IGF2R: variants seen among roughly 807,000 people sequenced by gnomAD.
The protein encoded by IGF2R is insulin like growth factor 2 receptor, also known as cation-independent mannose-6-phosphate receptor.
Under a neutral mutation model 270.6 loss-of-function variants are expected in IGF2R, and 91 were observed. That is an observed-to-expected ratio of 0.34 (90% CI 0.28 to 0.40). The LOEUF (loss-of-function observed/expected upper bound fraction) is 0.40, where lower values mean the gene tolerates loss of function less well. IGF2R is among the 10% of genes least tolerant of loss of function. IGF2R has a pLI of 1.00. For missense variants in IGF2R, 2,805 were observed against 3,188.3 expected (o/e 0.88, Z 2.90); for synonymous variants, 1,316 against 1,258.9 (o/e 1.05, Z -0.96).
chr6:160,054,509 G>A (rs1280335307), intron 19 of IGF2R, among the ~76,000 whole-genome samples: 2 of 152,164 alleles, frequency 1.3e-5, no homozygotes, highest in African/African-American at 4.8e-5. Flanking sequence ...ACGTTGTCAG[G>A]TGGTAGGTTG....
At chr6:159,975,456 C>T (rs1245092598) in intron 1 of IGF2R, among the ~76,000 whole-genome samples, 1 of 151,842 alleles carries the variant, frequency 6.6e-6, no homozygotes, top group Non-Finnish European at 1.5e-5. Flanking sequence ...TTTCTTCTCC[C>T]GGGTATAGGG....
At chr6:160,018,887 A>G (rs1159418296) in intron 4 of IGF2R, among the ~76,000 whole-genome samples, 1 of 152,176 alleles carries the variant, frequency 6.6e-6, no homozygotes, top group Non-Finnish European at 1.5e-5. Flanking sequence ...TAACAACCTA[A>G]TATCACACTT....
At chr6:160,103,321 A>G (rs895118889) in intron 46 of IGF2R, among the ~76,000 whole-genome samples, 1 of 147,338 alleles carries the variant, frequency 6.8e-6, no homozygotes, top group African/African-American at 2.5e-5. Context: ...ACTCTGTCCA[A>G]AAAAAAAAAA....
In IGF2R at chr6:160,107,160, G is replaced by C. The variant is rs1779639800; in HGVS notation, c.*2076G>C. On this transcript the variant is annotated 3_prime_UTR_variant, in exon 48 of 48. Coordinates refer to ENST00000356956, the MANE Select transcript of IGF2R (RefSeq NM_000876.4). Reference sequence around the variant, plus strand: ...TACCTCTCCTGAGGAAGACATGTCAGGTCTTCTAAAAGTTTACATTATGAC... The same window carrying C: ...TACCTCTCCTGAGGAAGACATGTCACGTCTTCTAAAAGTTTACATTATGAC... 1 of 152,194 alleles carries C rather than the reference G, an allele frequency of 6.6e-6. No homozygotes were observed. Among genetic ancestry groups the C allele is most frequent in the Non-Finnish European group, 1.5e-5 (1 of 68,048 alleles). The allele number at this position is 152,194 out of a possible 1,614,324, so 9.4% of individuals were successfully genotyped here.
At position 160,060,586 on chromosome 6, in the gene IGF2R, A is replaced by G. The variant is rs750976087; in HGVS notation, c.3131A>G (p.Asp1044Gly). The G allele has an allele frequency of 6.2e-7, 1 of 1,614,250 alleles. No homozygotes were observed. Among genetic ancestry groups the G allele is most frequent in the East Asian group, 2.2e-5 (1 of 44,892 alleles). The change falls in exon 23 of 48, where the codon GAT becomes GGT. Residue 1044 changes from aspartate (D) to glycine (G), a missense_variant. Physicochemically the swap from Asp to Gly is moderately conservative, Grantham distance 94. Transcript: ENST00000356956. ...DAFIVRFVCN[D>G]DVYSGPLKFL... Reference sequence around the variant, plus strand: ...TTTATCGTCCGCTTTGTTTGCAATGATGATGTTTACTCAGGGCCCCTCAAA... The same window carrying G: ...TTTATCGTCCGCTTTGTTTGCAATGGTGATGTTTACTCAGGGCCCCTCAAA...
Position 160,083,959 on chromosome 6 carries a change from A to C in IGF2R, c.5843A>C (p.Tyr1948Ser). ...TCCCTACACTCCCCAGCAAACAGCT[A>C]CCGGACATCCAGCATCATATTTAAG... ...EWGFCRHSNS[Y>S]RTSSIIFKCD... The change falls in exon 40 of 48, where the codon TAC becomes TCC. Residue 1948 changes from tyrosine (Y) to serine (S), a missense_variant. Tyr to Ser is a moderately radical substitution (Grantham distance 144). Coordinates refer to ENST00000356956, the MANE Select transcript of IGF2R (RefSeq NM_000876.4). 1 of 1,612,974 alleles carries C rather than the reference A, an allele frequency of 6.2e-7. No homozygotes were observed. Among genetic ancestry groups the C allele is most frequent in the East Asian group, 2.2e-5 (1 of 44,884 alleles).
At position 160,069,862 on chromosome 6, in the gene IGF2R, C is replaced by T. The variant is rs781046583; in HGVS notation, c.4253-6C>T. 5 of 1,613,266 alleles carry T rather than the reference C, an allele frequency of 3.1e-6. No homozygotes were observed. In the Admixed American group the frequency reaches 6.7e-5, roughly 22 times the overall value. ...AGGCAACTCTTTCTTGTGTCTGGTGCTGCAGAGCCGTGCCCTCCAGAAGCA... is the reference window on the plus strand; with the variant it reads ...AGGCAACTCTTTCTTGTGTCTGGTGTTGCAGAGCCGTGCCCTCCAGAAGCA... On this transcript the variant is annotated splice_region_variant and splice_polypyrimidine_tract_variant and intron_variant, in intron 30 of 47. Transcript: ENST00000356956.
chr6:159,976,550 G>C (rs958667804), intron 1 of IGF2R, among the ~76,000 whole-genome samples: 1 of 151,750 alleles, frequency 6.6e-6, no homozygotes, highest in Admixed American at 6.5e-5. Flanking sequence ...TGAATGCTTA[G>C]CTCTTTTATT....
At chr6:159,997,041 C>T (rs557154309) in intron 2 of IGF2R, among the ~76,000 whole-genome samples, 38 of 152,310 alleles carry the variant, frequency 2.5e-4, no homozygotes, top group Middle Eastern at 3.4e-3. Flanking sequence ...TACCCACATC[C>T]GTGCCCAAGC....
chr6:160,080,392 A>G, intron 39 of IGF2R, 117 bp downstream of exon 39: 1 of 1,037,534 alleles, frequency 9.6e-7, no homozygotes, highest in Non-Finnish European at 1.4e-6. Flanking sequence ...TCTTGCATAA[A>G]ATATTTTCTT....
chr6:160,060,312 G>C (rs1428184379), intron 22 of IGF2R, among the ~76,000 whole-genome samples: 2 of 152,270 alleles, frequency 1.3e-5, no homozygotes, highest in East Asian at 3.8e-4. Flanking sequence ...TTGTAACACA[G>C]GCCACTGTTG....
Position 160,089,961 on chromosome 6 carries a change from C to T in IGF2R, c.6513C>T (p.Tyr2171=). 2 of 1,607,190 alleles carry T rather than the reference C, an allele frequency of 1.2e-6. No homozygotes were observed. Among genetic ancestry groups the T allele is most frequent in the Non-Finnish European group, 1.7e-6 (2 of 1,176,996 alleles). ...ACATGAGGACCAATGGGGACAACTA[C>T]CTGTATGAGATCCAACTTTCCTCCA... is the stretch of plus-strand genomic sequence containing the variant. ...SGDMRTNGDN[Y]LYEIQLSSIT... is the part of the protein sequence containing the mutation. The change falls in exon 44 of 48, where the codon TAC becomes TAT. Residue 2171 remains tyrosine (Y), a synonymous_variant. Transcript: ENST00000356956.
rs759855498 is a variant in IGF2R at position 160,080,235 on chromosome 6, G to A, written c.5793G>A (p.Ala1931=). The change falls in exon 39 of 48, where the codon GCG becomes GCA. Residue 1931 remains alanine (A), a synonymous_variant. Transcript: ENST00000356956. The stretch of plus-strand genomic sequence containing the variant: ...CGAAGCTGTGGTGTAGCACAACTGC[G>A]GACTACGACAGAGACCACGAGTGGG... ...SRAKLWCSTT[A]DYDRDHEWGF... is the part of the protein sequence containing the mutation. 1.6e-5 allele frequency: 26 copies of A among 1,614,042 alleles called. No homozygotes were observed. Among genetic ancestry groups the A allele is most frequent in the Admixed American group, 6.7e-5 (4 of 60,008 alleles).
At chr6:160,024,750 T>G in intron 5 of IGF2R, 46 bp downstream of exon 5, 1 of 1,594,266 alleles carries the variant, frequency 6.3e-7, no homozygotes, top group Non-Finnish European at 8.6e-7. Flanking sequence ...AGGGATTTCT[T>G]CTATGGCTTC....
intron 32 of IGF2R, among the ~76,000 whole-genome samples, chr6:160,072,525 C>T (rs1219471844): frequency 6.6e-6 from 1 of 152,174 alleles, no homozygotes; most frequent in African/African-American, 2.4e-5. Flanking sequence ...TGTGGTATGG[C>T]CCAGCAGAGG....
chr6:160,055,468 G>A (rs1562359638), intron 19 of IGF2R, among the ~76,000 whole-genome samples: 1 of 152,188 alleles, frequency 6.6e-6, no homozygotes, highest in Admixed American at 6.5e-5. Context: ...TCTCCCAGGG[G>A]TTTGCAGTCA....
At chr6:160,044,770 G>A in intron 13 of IGF2R, 113 bp downstream of exon 13, 2 of 852,274 alleles carry the variant, frequency 2.3e-6, no homozygotes, top group Non-Finnish European at 3.6e-6. Flanking sequence ...GATTGGCATG[G>A]TGTTCAGCAT....
chr6:160,103,349 C>T (rs907059303), intron 46 of IGF2R, among the ~76,000 whole-genome samples: 1 of 152,004 alleles, frequency 6.6e-6, no homozygotes, highest in Non-Finnish European at 1.5e-5. Context: ...CGATTGTGGC[C>T]CTCTACACCC....
At chr6:160,088,908 C>T (rs921203148) in intron 42 of IGF2R, among the ~76,000 whole-genome samples, 199 bp from the exon 43 acceptor site, 1 of 152,214 alleles carries the variant, frequency 6.6e-6, no homozygotes, top group Non-Finnish European at 1.5e-5. Context: ...TCCGAGCTGC[C>T]GTCAGTGTTG....
Sources: allele counts gnomAD v4.1 joint callset (sites outside exome capture counted in the v4.1 genomes callset), GRCh38; gene constraint gnomAD v4.1.1; transcripts MANE v1.5; gene names NCBI Gene and HGNC (gene_info 2026-07-23, HGNC 2026-07-21).